RUNDC3B: variants seen among roughly 807,000 people sequenced by gnomAD.
RUNDC3B encodes RUN domain-containing protein 3B.
In RUNDC3B, 33 loss-of-function variants were observed where a neutral mutation model predicts 58.4. The ratio of observed to expected loss-of-function variants is 0.56; its 90% confidence interval spans 0.43 to 0.75. The LOEUF is 0.75. Among genes scored for constraint, RUNDC3B ranks in the 30% least tolerant of loss-of-function variants. RUNDC3B has a pLI of 0.00. For missense variants in RUNDC3B, 501 were observed against 535.7 expected (o/e 0.94, Z 0.64); for synonymous variants, 193 against 195.2 (o/e 0.99, Z 0.10).
intron 4 of RUNDC3B, 76 bp from the exon 5 acceptor site, chr7:87,739,715 G>T (rs1178762522): frequency 1.6e-6 from 1 of 610,272 alleles, no homozygotes; most frequent in Non-Finnish European, 2.9e-6. Flanking sequence ...CAATAGTTTG[G>T]GCTCTAAATG....
intron 1 of RUNDC3B, among the ~76,000 whole-genome samples, chr7:87,643,932 C>T (rs1822715030): frequency 6.6e-6 from 1 of 151,694 alleles, no homozygotes; most frequent in Admixed American, 6.6e-5. Context: ...CATCTCGGCT[C>T]ACTGCAACCT....
intron 6 of RUNDC3B, among the ~76,000 whole-genome samples, chr7:87,749,418 G>C (rs908359613): frequency 6.6e-6 from 1 of 152,012 alleles, no homozygotes; most frequent in Non-Finnish European, 1.5e-5. Context: ...TTTATAAAAT[G>C]AAGAATTTCT....
chr7:87,651,998 A>G (rs1266887172), intron 2 of RUNDC3B, among the ~76,000 whole-genome samples: 3 of 152,088 alleles, frequency 2.0e-5, no homozygotes, highest in Admixed American at 2.0e-4. Flanking sequence ...TCTGCCATTA[A>G]TGTTACCTTT....
chr7:87,754,031 CAAG>C (rs752588690), intron 6 of RUNDC3B, among the ~76,000 whole-genome samples: 4 of 152,106 alleles, frequency 2.6e-5, no homozygotes, highest in Admixed American at 1.3e-4. Context: ...GAGCTGACTG[CAAG>C]AAGAAGAGTC....
chr7:87,666,832 G>T (rs564675966), intron 2 of RUNDC3B, among the ~76,000 whole-genome samples: 3 of 152,112 alleles, frequency 2.0e-5, no homozygotes, highest in African/African-American at 7.2e-5. Flanking sequence ...TCTCTATTCT[G>T]TTCCATTGGT....
At chr7:87,797,265 C>A (rs528347811) in intron 8 of RUNDC3B, among the ~76,000 whole-genome samples, 124 of 152,238 alleles carry the variant, frequency 8.1e-4, no homozygotes, top group African/African-American at 2.9e-3. Flanking sequence ...AATGTGGGTA[C>A]TAGAAAATTA....
rs1375474687 is a variant in RUNDC3B, at chr7:87,830,922, A to G, written c.*892A>G. On this transcript the variant is annotated 3_prime_UTR_variant, in exon 11 of 11. Transcript: ENST00000394654. ...GATAGTTATCATATTTACTTAATAT[A>G]TGTCTGATATTCAGTGCTGGTTCTT... The G allele has an allele frequency of 6.6e-6, 1 of 151,784 alleles. No individual in the cohort carries two copies. Among genetic ancestry groups the G allele is most frequent in the Non-Finnish European group, 1.5e-5 (1 of 67,836 alleles). The allele number at this position is 151,784 out of a possible 1,614,324, so 9.4% of individuals were successfully genotyped here. A position where few individuals can be genotyped will look rare whatever the true frequency, so the allele number is the denominator to read the frequency against.
intron 2 of RUNDC3B, among the ~76,000 whole-genome samples, chr7:87,683,590 A>T (rs1390870951): frequency 6.6e-6 from 1 of 152,220 alleles, no homozygotes; most frequent in African/African-American, 2.4e-5. Flanking sequence ...GAGCATTCAG[A>T]ACACACACAT....
chr7:87,828,471 G>C (rs973349542), intron 10 of RUNDC3B, among the ~76,000 whole-genome samples: 1 of 152,122 alleles, frequency 6.6e-6, no homozygotes, highest in East Asian at 1.9e-4. Context: ...ATTATATGTG[G>C]TATTTGGTTT....
rs530151746 is a variant in RUNDC3B at position 87,666,669 on chromosome 7, A to G, written c.238+15732A>G. 7.9e-5 allele frequency among the ~76,000 whole-genome samples: 12 copies of G among 152,046 alleles called. 1 individual carries two copies. Among genetic ancestry groups the G allele is most frequent in the South Asian group, 6.2e-4 (3 of 4,818 alleles). ...CCATCTTGAGTTTATTTTTGTGTAT[A>G]GTGTAAGGAAGGGGTCCAGTTTCAA... On this transcript the variant is annotated intron_variant, in intron 2 of 10. Transcript: ENST00000394654.
chr7:87,740,820 C>A (rs529731098), intron 5 of RUNDC3B, among the ~76,000 whole-genome samples: 10 of 152,102 alleles, frequency 6.6e-5, no homozygotes, highest in African/African-American at 2.4e-4. Context: ...TCTTTTTGAT[C>A]CCTCTATGGA....
chr7:87,659,584 A>G (rs886443406), intron 2 of RUNDC3B, among the ~76,000 whole-genome samples: 1 of 152,118 alleles, frequency 6.6e-6, no homozygotes, highest in Non-Finnish European at 1.5e-5. Flanking sequence ...ACCACCAAAG[A>G]TAATTTAGAA....
chr7:87,649,793 A>G (rs1823391880), intron 1 of RUNDC3B, among the ~76,000 whole-genome samples: 1 of 152,184 alleles, frequency 6.6e-6, no homozygotes, highest in African/African-American at 2.4e-5. Context: ...TAATTGAATC[A>G]TGGCAGCGGG....
At chr7:87,682,426 A>C (rs921804986) in intron 2 of RUNDC3B, among the ~76,000 whole-genome samples, 5 of 152,204 alleles carry the variant, frequency 3.3e-5, no homozygotes, top group African/African-American at 1.2e-4. Flanking sequence ...CTCATTGTCT[A>C]TGGAGGCTAG....
chr7:87,798,390 G>A (rs1484288858), intron 8 of RUNDC3B, among the ~76,000 whole-genome samples: 1 of 152,108 alleles, frequency 6.6e-6, no homozygotes, highest in African/African-American at 2.4e-5. Context: ...AACACTTCTT[G>A]TTTGTTTTGT....
rs189999777 is a variant in RUNDC3B at position 87,639,083 on chromosome 7, C to T, written c.122+10138C>T. Among the ~76,000 whole-genome samples the T allele has an allele frequency of 1.7e-4, 22 of 132,542 alleles. No individual in the cohort carries two copies. In the Admixed American group the frequency reaches 1.8e-3, roughly 11 times the overall value. 87.0% of individuals were successfully genotyped at this position (132,542 alleles called of 152,430 possible). The stretch of plus-strand genomic sequence containing the variant: ...AGGAGAATGGTGTAAACCCCGGAGG[C>T]GGAGCTTGCAGTGAGAAGAGACGGC... On this transcript the variant is annotated intron_variant, in intron 1 of 10. Transcript: ENST00000394654.
chr7:87,817,292 G>A (rs1003415133), intron 10 of RUNDC3B, among the ~76,000 whole-genome samples: 5 of 152,088 alleles, frequency 3.3e-5, no homozygotes, highest in Non-Finnish European at 1.5e-5. Flanking sequence ...TCTGCCACTT[G>A]GAGCAAGCTG....
intron 2 of RUNDC3B, among the ~76,000 whole-genome samples, chr7:87,654,962 A>G (rs1823941314): frequency 6.6e-6 from 1 of 152,108 alleles, no homozygotes; most frequent in African/African-American, 2.4e-5. Flanking sequence ...TATACAGCAA[A>G]TAGATGAAAA....
chr7:87,750,033 C>T (rs1212088896), intron 6 of RUNDC3B, among the ~76,000 whole-genome samples: 7 of 151,912 alleles, frequency 4.6e-5, no homozygotes, highest in Non-Finnish European at 8.8e-5. Context: ...CCCCTCTCCC[C>T]CCACCCCACA....
Sources: allele counts gnomAD v4.1 joint callset (sites outside exome capture counted in the v4.1 genomes callset), GRCh38; gene constraint gnomAD v4.1.1; transcripts MANE v1.5; gene names NCBI Gene and HGNC (gene_info 2026-07-23, HGNC 2026-07-21).